The following AP1B1 variants were observed in gnomAD, a reference collection of about 807,000 sequenced individuals.
AP1B1 encodes adaptor related protein complex 1 subunit beta 1.
Under a neutral mutation model 104.3 loss-of-function variants are expected in AP1B1, and 36 were observed. That is an observed-to-expected ratio of 0.35 (90% confidence interval 0.26 to 0.46). The LOEUF (loss-of-function observed/expected upper bound fraction) is 0.46. Ranked by LOEUF, AP1B1 falls within the 20% of genes least tolerant of loss-of-function variation. The pLI is 1.00. For missense variants in AP1B1, 901 were observed against 1,247.9 expected (o/e 0.72, Z 4.19); for synonymous variants, 504 against 517.5 (o/e 0.97, Z 0.35).
At chr22:29,347,493 T>C (rs2283849) in intron 11 of AP1B1, among the ~76,000 whole-genome samples, 52,648 of 152,004 alleles carry the variant, frequency 0.35, 9,823 homozygotes, top group Admixed American at 0.48. Flanking sequence ...AGGAGGGGTA[T>C]GGACTCTGGG....
rs1407966631 is a variant in AP1B1 at position 29,328,849 on chromosome 22, T to C, written c.2822A>G (p.Gln941Arg). The stretch of plus-strand genomic sequence containing the variant: ...GTTCTTGAGGATGGTCTCGTAGGCC[T>C]GGTACACGTGCTGGGACACCTCTGG... ...RAPEVSQHVYQAYETILKN is the reference protein window; with the variant it reads ...RAPEVSQHVYRAYETILKN The change falls in exon 23 of 23, where the codon CAG (glutamine) becomes CGG (arginine). Residue 941 changes from glutamine to arginine, a missense_variant. Physicochemically the swap from Gln to Arg is conservative, Grantham distance 43 (BLOSUM62 1). Transcript: ENST00000357586. This position sits in a 1 kb window ranked among gnomAD's most constrained non-coding sequence, Gnocchi z 4.1. 6.2e-7 allele frequency: 1 copy of C among 1,608,924 alleles called. No homozygotes were observed. The highest frequency in any genetic ancestry group is 1.7e-5 in the Admixed American group (1 of 59,510).
chr22:29,354,829 G>A lies in AP1B1; in HGVS notation c.759C>T (p.Ser253=), dbSNP rs755803133. ...RVTPRLSHAN[S]AVVLSAVKVL... ...CCTTCACAGCAGAGAGCACCACAGC[G>A]GAGTTGGCATGGGAGAGCCTGGGGG... Residue 253 remains serine, a synonymous_variant, in exon 7 of 23, where the codon TCC becomes TCT. Coordinates refer to ENST00000357586, the MANE Select transcript of AP1B1 (RefSeq NM_001127.4). The A allele has an allele frequency of 1.3e-5, 21 of 1,613,970 alleles. No homozygotes were observed. Among genetic ancestry groups the A allele is most frequent in the Admixed American group, 1.7e-5 (1 of 59,988 alleles).
intron 1 of AP1B1, among the ~76,000 whole-genome samples, chr22:29,369,357 T>C (rs537608202): frequency 6.6e-6 from 1 of 152,232 alleles, no homozygotes; most frequent in South Asian, 2.1e-4. Context: ...AAATACGTAC[T>C]GTCTTGGGGT....
At position 29,329,940 on chromosome 22, in the gene AP1B1, G is replaced by T. The variant is rs545656640; in HGVS notation, c.2767-220C>A. ...CCGGGGCCCTGGAACAGCGGTGCAG[G>T]CCTCCAGGACAACTGTGTGCCCCAG... On this transcript the variant is annotated intron_variant, in intron 21 of 22. Transcript: ENST00000357586. The T allele has an allele frequency of 8.4e-6, 12 of 1,425,922 alleles. No individual in the cohort carries two copies. The East Asian group carries it at 2.5e-4, about 30-fold the overall frequency. The allele number at this position is 1,425,922 out of a possible 1,614,324, so 88.3% of individuals were successfully genotyped here.
chr22:29,376,590 G>A (rs2062346005), intron 1 of AP1B1, among the ~76,000 whole-genome samples: 1 of 152,264 alleles, frequency 6.6e-6, no homozygotes, highest in Non-Finnish European at 1.5e-5. Context: ...TGAATGAATA[G>A]CTGTCAGAAA....
Position 29,354,675 on chromosome 22 carries a change from T to TGC in AP1B1, c.911_912dup (p.Asn305AlafsTer14). On this transcript the variant is annotated frameshift_variant, in exon 7 of 23. Transcript: ENST00000357586. LOFTEE classifies it high-confidence loss of function. Reference sequence around the variant, plus strand: ...CTTTTCTGCACGATGAGATTGATGTTGCGCAGGGCCACATACTGCAGCTCT... The same window carrying TGC: ...CTTTTCTGCACGATGAGATTGATGTTGCGCGCAGGGCCACATACTGCAGCTCT... The TGC allele has an allele frequency of 6.2e-7, 1 of 1,614,018 alleles. No individual in the cohort carries two copies. The highest frequency in any genetic ancestry group is 8.5e-7 in the Non-Finnish European group (1 of 1,180,016).
At chr22:29,344,517 T>TC in intron 11 of AP1B1, among the ~76,000 whole-genome samples, 1 of 121,794 alleles carries the variant, frequency 8.2e-6, no homozygotes, top group Non-Finnish European at 1.7e-5. Context: ...GGCCAAGATT[T>TC]TTTTTTTTTT....
chr22:29,334,949 T>G (rs1038155247), intron 16 of AP1B1, among the ~76,000 whole-genome samples: 4 of 152,202 alleles, frequency 2.6e-5, no homozygotes, highest in Non-Finnish European at 5.9e-5. Flanking sequence ...CTGGCAGGCC[T>G]TCTGCTGCTT....
chr22:29,354,694 C>T lies in AP1B1; in HGVS notation c.894G>A (p.Leu298=). Residue 298 remains leucine (L), a synonymous_variant, in exon 7 of 23, where the codon CTG becomes CTA. Transcript: ENST00000357586. Reference sequence around the variant, plus strand: ...TGATGTTGCGCAGGGCCACATACTGCAGCTCTGGCTCGGCTGACAGCAGTG... The same window carrying T: ...TGATGTTGCGCAGGGCCACATACTGTAGCTCTGGCTCGGCTGACAGCAGTG... ...LVTLLSAEPE[L]QYVALRNINL... is the part of the protein sequence containing the mutation. 1 of 1,614,130 alleles carries T rather than the reference C, an allele frequency of 6.2e-7. No homozygotes were observed. Among genetic ancestry groups the T allele is most frequent in the Non-Finnish European group, 8.5e-7 (1 of 1,180,038 alleles).
intron 21 of AP1B1, 153 bp from the exon 22 acceptor site, chr22:29,329,873 A>G: frequency 6.7e-7 from 1 of 1,481,628 alleles, no homozygotes; most frequent in Non-Finnish European, 9.0e-7. Flanking sequence ...CATGCCTGCC[A>G]GAGACTCAGG....
chr22:29,365,354 TA>T (rs553264998), intron 2 of AP1B1, among the ~76,000 whole-genome samples: 1 of 151,458 alleles, frequency 6.6e-6, no homozygotes, highest in African/African-American at 2.4e-5. Context: ...AACCCCAAAA[TA>T]AAAAAAATAG....
chr22:29,329,544 T>C, intron 22 of AP1B1, 168 bp downstream of exon 22: 1 of 1,474,124 alleles, frequency 6.8e-7, no homozygotes, highest in Non-Finnish European at 9.0e-7. Context: ...ACTGTGAATG[T>C]GTGGAAGTGG....
chr22:29,385,852 C>CGGGAAGTTCCT (rs1267343459), intron 1 of AP1B1, among the ~76,000 whole-genome samples: 4 of 152,136 alleles, frequency 2.6e-5, no homozygotes, highest in African/African-American at 7.2e-5. Context: ...GTGCCAGACA[C>CGGGAAGTTCCT]GGGAAGTTCC....
chr22:29,365,960 C>A (rs1187613537), intron 2 of AP1B1, among the ~76,000 whole-genome samples: 5 of 152,302 alleles, frequency 3.3e-5, no homozygotes, highest in African/African-American at 1.2e-4. Context: ...TTTTCCACTG[C>A]ACATGGTAGG....
Position 29,349,204 on chromosome 22 carries a change from G to A in AP1B1, c.1437+14C>T, listed in dbSNP as rs555024915. 38 of 1,610,830 alleles carry A rather than the reference G, an allele frequency of 2.4e-5. No individual in the cohort carries two copies. In the South Asian group the frequency reaches 3.3e-4, roughly 14 times the overall value. ...CCAGTCATGACTCACACCCTGGCCA[G>A]CTCGCTGGCTCACCTGTGTGCTCTC... On this transcript the variant is annotated intron_variant, in intron 11 of 22. Transcript: ENST00000357586.
chr22:29,330,864 C>T (rs532481737), intron 19 of AP1B1, among the ~76,000 whole-genome samples, 155 bp from the exon 20 acceptor site: 1 of 152,220 alleles, frequency 6.6e-6, no homozygotes, highest in East Asian at 1.9e-4. Context: ...TCCCTAAGCA[C>T]ACCCTCCGCT....
At chr22:29,339,716 A>T in intron 15 of AP1B1, 38 bp downstream of exon 15, 2 of 1,607,150 alleles carry the variant, frequency 1.2e-6, no homozygotes, top group Non-Finnish European at 1.7e-6. Context: ...CGGGAGGAGC[A>T]AGGACGAAGG....
chr22:29,334,238 G>A (rs2061604530), intron 17 of AP1B1, 27 bp downstream of exon 17: 1 of 1,560,374 alleles, frequency 6.4e-7, no homozygotes, highest in Non-Finnish European at 8.7e-7. Flanking sequence ...CCTCTTGAGA[G>A]GTGCGCTGGC....
At chr22:29,362,067 C>T (rs984479854) in intron 3 of AP1B1, among the ~76,000 whole-genome samples, 2 of 152,136 alleles carry the variant, frequency 1.3e-5, no homozygotes, top group African/African-American at 2.4e-5. Context: ...GCTAGGATTA[C>T]AGGTGTGAGC....
Sources: allele counts gnomAD v4.1 joint callset (sites outside exome capture counted in the v4.1 genomes callset), GRCh38; gene constraint gnomAD v4.1.1; non-coding constraint Gnocchi (gnomAD v3.1); transcripts MANE v1.5; gene names NCBI Gene and HGNC (gene_info 2026-07-23, HGNC 2026-07-21).